Variants in RNGTT observed in about 807,000 individuals in gnomAD.
RNGTT encodes RNA guanylyltransferase and 5'-phosphatase, also known as mRNA-capping enzyme.
RNGTT carries 33 observed loss-of-function variants against 79.3 expected under a neutral mutation model. The observed-to-expected ratio is 0.42, with a 90% CI of 0.32 to 0.56. RNGTT has a LOEUF of 0.56. Among genes scored for constraint, RNGTT ranks in the 20% least tolerant of loss-of-function variants. RNGTT has a pLI of 0.17. For missense variants in RNGTT, 497 were observed against 739.1 expected (o/e 0.67, Z 3.80); for synonymous variants, 222 against 235.9 (o/e 0.94, Z 0.54).
At chr6:88,868,217 G>C (rs914525618) in intron 8 of RNGTT, among the ~76,000 whole-genome samples, 1 of 151,622 alleles carries the variant, frequency 6.6e-6, no homozygotes, top group Non-Finnish European at 1.5e-5. Context: ...CAGCAAATCA[G>C]GTGGTCCTAA....
At chr6:88,874,739 C>A (rs1436314561) in intron 8 of RNGTT, among the ~76,000 whole-genome samples, 4 of 151,930 alleles carry the variant, frequency 2.6e-5, no homozygotes, top group African/African-American at 7.2e-5. Context: ...AGCAAATGTT[C>A]TTCCATCTGG....
At chr6:88,888,557 G>A (rs1458640729) in intron 8 of RNGTT, among the ~76,000 whole-genome samples, 1 of 152,104 alleles carries the variant, frequency 6.6e-6, no homozygotes, top group Admixed American at 6.5e-5. Flanking sequence ...TTGTATAACT[G>A]CTGCAAGCAC....
At chr6:88,856,616 A>C (rs1781853454) in intron 8 of RNGTT, among the ~76,000 whole-genome samples, 1 of 152,188 alleles carries the variant, frequency 6.6e-6, no homozygotes, top group African/African-American at 2.4e-5. Context: ...ATTATTTAGC[A>C]CTTGGTATTT....
At chr6:88,838,778 A>C (rs1180999156) in intron 11 of RNGTT, among the ~76,000 whole-genome samples, 2 of 152,152 alleles carry the variant, frequency 1.3e-5, no homozygotes, top group Non-Finnish European at 2.9e-5. Flanking sequence ...TTCACATGAA[A>C]ATGCAAAGGC....
intron 11 of RNGTT, among the ~76,000 whole-genome samples, chr6:88,815,734 G>A (rs950579945): frequency 2.0e-5 from 3 of 152,182 alleles, no homozygotes; most frequent in African/African-American, 7.2e-5. Context: ...TGCCTTCTCT[G>A]TTAATGAGTA....
intron 14 of RNGTT, among the ~76,000 whole-genome samples, chr6:88,632,209 G>A (rs1010943049): frequency 6.6e-6 from 1 of 152,122 alleles, no homozygotes; most frequent in African/African-American, 2.4e-5. Flanking sequence ...CAACCCATCT[G>A]CCTTAGCCTC....
chr6:88,941,248 CA>C, intron 1 of RNGTT, 68 bp from the exon 2 acceptor site: 2 of 1,099,178 alleles, frequency 1.8e-6, no homozygotes, highest in South Asian at 2.7e-5. Flanking sequence ...CTATAATTAA[CA>C]ATTCTCAAAT....
intron 11 of RNGTT, among the ~76,000 whole-genome samples, chr6:88,828,185 C>T (rs568681230): frequency 6.6e-6 from 1 of 152,112 alleles, no homozygotes; most frequent in African/African-American, 2.4e-5. Context: ...ACAAAGCTTC[C>T]GGAGGAAGAA....
intron 12 of RNGTT, among the ~76,000 whole-genome samples, chr6:88,792,819 T>C (rs1022869490): frequency 6.6e-6 from 1 of 151,928 alleles, no homozygotes; most frequent in African/African-American, 2.4e-5. Context: ...AAGGAAAAAA[T>C]AACAAAGGCT....
intron 13 of RNGTT, among the ~76,000 whole-genome samples, chr6:88,694,647 G>A (rs530088203): frequency 6.6e-6 from 1 of 152,172 alleles, no homozygotes; most frequent in Non-Finnish European, 1.5e-5. Flanking sequence ...GCAATTTTGA[G>A]CAAAAAGAAT....
intron 13 of RNGTT, among the ~76,000 whole-genome samples, chr6:88,698,281 TC>T (rs1257410612): frequency 1.7e-5 from 2 of 115,868 alleles, no homozygotes; most frequent in Admixed American, 1.8e-4. Context: ...TATATATATT[TC>T]ATATATATCA....
intron 8 of RNGTT, among the ~76,000 whole-genome samples, chr6:88,873,492 A>G (rs1414796190): frequency 6.6e-6 from 1 of 152,184 alleles, no homozygotes; most frequent in Non-Finnish European, 1.5e-5. Context: ...AAAATAAGAG[A>G]ACCTGGTACT....
rs555626003 is a variant in RNGTT, at chr6:88,676,119, C to T, written c.1506+2234G>A. Among the ~76,000 whole-genome samples, 11 of 152,060 alleles carry T rather than the reference C, an allele frequency of 7.2e-5. No individual in the cohort carries two copies. The South Asian group carries it at 2.3e-3, about 32-fold the overall frequency. ...TTAGCCAAACAACATAGAAAAAGAA[C>T]AAAGTTGGAGGATTTATACTACTTG... On this transcript the variant is annotated intron_variant, in intron 14 of 15. Coordinates refer to ENST00000369485, the MANE Select transcript of RNGTT (RefSeq NM_003800.5).
Position 88,929,171 on chromosome 6 carries a change from A to G in RNGTT, c.271T>C (p.Cys91Arg). The G allele has an allele frequency of 6.3e-7, 1 of 1,593,072 alleles. No homozygotes were observed. The part of the protein sequence containing the change: ...KEGIKYIKLQ[C>R]KGHGECPTTE... ...TCTTAATATATAACTTACCCTTTACACTGAAGTTTTATATATTTGATTCCT... is the reference window on the plus strand; with the variant it reads ...TCTTAATATATAACTTACCCTTTACGCTGAAGTTTTATATATTTGATTCCT... The change falls in exon 3 of 16, where the codon TGT (cysteine) becomes CGT (arginine). Residue 91 changes from cysteine to arginine, a missense_variant. Physicochemically the swap from Cys to Arg is radical, Grantham distance 180. This residue lies in a region of RNGTT where 440 missense variants were observed against 671.5 expected (regional missense o/e 0.66). Coordinates refer to ENST00000369485, the MANE Select transcript of RNGTT (RefSeq NM_003800.5).
chr6:88,748,598 T>C (rs1273897720), intron 13 of RNGTT, among the ~76,000 whole-genome samples: 1 of 152,152 alleles, frequency 6.6e-6, no homozygotes, highest in Non-Finnish European at 1.5e-5. Flanking sequence ...CTAATTTACT[T>C]ATTTGTTATG....
intron 13 of RNGTT, among the ~76,000 whole-genome samples, chr6:88,710,471 G>A (rs919762946): frequency 1.3e-5 from 2 of 152,122 alleles, no homozygotes; most frequent in Non-Finnish European, 2.9e-5. Context: ...CATTAAAATG[G>A]TTATTTATTA....
intron 14 of RNGTT, among the ~76,000 whole-genome samples, chr6:88,655,969 C>A (rs1773961843): frequency 6.6e-6 from 1 of 152,122 alleles, no homozygotes; most frequent in African/African-American, 2.4e-5. Flanking sequence ...TAGACTTTGA[C>A]ATGCTCTAGA....
At chr6:88,758,764 T>C (rs1387094492) in intron 13 of RNGTT, among the ~76,000 whole-genome samples, 1 of 152,258 alleles carries the variant, frequency 6.6e-6, no homozygotes, top group Non-Finnish European at 1.5e-5. Context: ...CCTTGCAAGT[T>C]ATAAGCAATC....
rs375868710 is a variant in RNGTT at position 88,932,149 on chromosome 6, G to A, written c.175-2882C>T. ...CTGGGAAAAGAATGTATTCCCAGGAGTAGGCCTCTAAAATGGCCGCTCTAG... is the reference window on the plus strand; with the variant it reads ...CTGGGAAAAGAATGTATTCCCAGGAATAGGCCTCTAAAATGGCCGCTCTAG... On this transcript the variant is annotated intron_variant, in intron 2 of 15. Transcript: ENST00000369485. Among the ~76,000 whole-genome samples the A allele has an allele frequency of 3.9e-3, 601 of 152,276 alleles. 8 individuals carry two copies. Among genetic ancestry groups the A allele is most frequent in the South Asian group, 0.019 (90 of 4,810 alleles).
Sources: allele counts gnomAD v4.1 joint callset (sites outside exome capture counted in the v4.1 genomes callset), GRCh38; gene constraint gnomAD v4.1.1; regional missense constraint gnomAD v4.1.1; transcripts MANE v1.5; gene names NCBI Gene and HGNC (gene_info 2026-07-23, HGNC 2026-07-21).